PCDH9: variants seen among roughly 807,000 people sequenced by gnomAD.
The protein encoded by PCDH9 is protocadherin-9.
Under a neutral mutation model 70.6 loss-of-function variants are expected in PCDH9, and 24 were observed. The observed-to-expected ratio is 0.34, with a 90% CI of 0.25 to 0.48. The LOEUF is 0.48. Among genes scored for constraint, PCDH9 ranks in the 20% least tolerant of loss-of-function variants. The probability of loss-of-function intolerance (pLI) is 0.99; values close to 1 mark genes in which losing one functional copy is unlikely to be tolerated. For synonymous variants in PCDH9, 562 were observed against 558.5 expected (o/e 1.01, Z -0.09); for missense variants, 1,281 against 1,503.6 (o/e 0.85, Z 2.45).
At chr13:67,168,946 A>G (rs1230526148) in intron 2 of PCDH9, among the ~76,000 whole-genome samples, 1 of 152,216 alleles carries the variant, frequency 6.6e-6, no homozygotes, top group Non-Finnish European at 1.5e-5. Flanking sequence ...GACTCATATG[A>G]TTATGAACAA....
chr13:66,548,175 A>C (rs1360706447), intron 4 of PCDH9, among the ~76,000 whole-genome samples: 3 of 152,016 alleles, frequency 2.0e-5, no homozygotes, highest in Non-Finnish European at 2.9e-5. Flanking sequence ...GCAATATTAG[A>C]GCCTCATAAT....
intron 4 of PCDH9, among the ~76,000 whole-genome samples, chr13:66,374,245 T>C (rs1181928336): frequency 6.6e-6 from 1 of 152,066 alleles, no homozygotes; most frequent in Non-Finnish European, 1.5e-5. Flanking sequence ...ATTTTCTCCT[T>C]GCTGCATGCT....
intron 4 of PCDH9, among the ~76,000 whole-genome samples, chr13:66,416,872 C>T (rs140372582): frequency 2.6e-5 from 4 of 152,192 alleles, no homozygotes; most frequent in South Asian, 2.1e-4. Flanking sequence ...CCTGAGAAAA[C>T]GTCTTGAATG....
intron 2 of PCDH9, among the ~76,000 whole-genome samples, chr13:67,176,483 A>T (rs2088460555): frequency 6.6e-6 from 1 of 151,912 alleles, no homozygotes; most frequent in Non-Finnish European, 1.5e-5. Flanking sequence ...AAAAACACTT[A>T]TTAAAGCACC....
At chr13:66,384,533 GGA>G (rs1174213477) in intron 4 of PCDH9, among the ~76,000 whole-genome samples, 1 of 152,066 alleles carries the variant, frequency 6.6e-6, no homozygotes, top group Non-Finnish European at 1.5e-5. Flanking sequence ...GTATATGTGT[GGA>G]GTAAGAGCAC....
intron 2 of PCDH9, among the ~76,000 whole-genome samples, chr13:67,073,090 C>T (rs776663145): frequency 2.6e-5 from 4 of 151,970 alleles, no homozygotes; most frequent in Admixed American, 2.0e-4. Flanking sequence ...CTTTATACAC[C>T]CAATAATCAC....
At chr13:66,628,189 C>T (rs1486782702) in intron 4 of PCDH9, among the ~76,000 whole-genome samples, 6 of 152,072 alleles carry the variant, frequency 3.9e-5, no homozygotes, top group Non-Finnish European at 8.8e-5. Flanking sequence ...ATGAACTTAC[C>T]AACCATCAAC....
intron 2 of PCDH9, among the ~76,000 whole-genome samples, chr13:67,198,535 T>C (rs2089132296): frequency 6.6e-6 from 1 of 151,938 alleles, no homozygotes; most frequent in Non-Finnish European, 1.5e-5. Context: ...TCTATTAGGA[T>C]GGTTGCTAAG....
Position 66,578,380 on chromosome 13 carries a change from T to A in PCDH9, c.3340+52830A>T, listed in dbSNP as rs557173745. 1.9e-4 allele frequency among the ~76,000 whole-genome samples: 28 copies of A among 149,776 alleles called. 1 individual carries two copies. The South Asian group carries it at 5.9e-3, about 32-fold the overall frequency. On this transcript the variant is annotated intron_variant, in intron 4 of 4. Coordinates refer to ENST00000377865, the MANE Select transcript of PCDH9 (RefSeq NM_203487.3). ...CAAACAAATTGTTTCATGAGCTACATTTTTTTTTTCGTCTTTAGAGTGACG... is the reference window on the plus strand; with the variant it reads ...CAAACAAATTGTTTCATGAGCTACAATTTTTTTTTCGTCTTTAGAGTGACG...
At chr13:66,664,117 C>T (rs548011742) in intron 3 of PCDH9, among the ~76,000 whole-genome samples, 3 of 152,236 alleles carry the variant, frequency 2.0e-5, no homozygotes, top group Admixed American at 6.5e-5. Flanking sequence ...TACTAATTGG[C>T]CTACAGTAAT....
intron 3 of PCDH9, among the ~76,000 whole-genome samples, chr13:66,746,920 C>T (rs2079374855): frequency 6.6e-6 from 1 of 152,140 alleles, no homozygotes; most frequent in Non-Finnish European, 1.5e-5. Flanking sequence ...GTGAATACCC[C>T]TATCCCCCAA....
intron 2 of PCDH9, among the ~76,000 whole-genome samples, chr13:67,161,124 A>G (rs2087947464): frequency 6.6e-6 from 1 of 152,220 alleles, no homozygotes. Context: ...AGGTGTCTGG[A>G]GGAAACCATT....
intron 2 of PCDH9, among the ~76,000 whole-genome samples, chr13:67,043,000 C>T (rs1450438212): frequency 6.6e-6 from 1 of 151,910 alleles, no homozygotes; most frequent in Admixed American, 6.6e-5. Flanking sequence ...GTAAAGTTCA[C>T]AAGTTGTGAG....
intron 4 of PCDH9, among the ~76,000 whole-genome samples, chr13:66,573,402 T>G (rs2076763793): frequency 1.3e-5 from 2 of 152,120 alleles, no homozygotes; most frequent in Non-Finnish European, 2.9e-5. Context: ...GTTGATTGTT[T>G]CTTTTGTTAC....
intron 4 of PCDH9, among the ~76,000 whole-genome samples, chr13:66,559,723 C>G (rs915578484): frequency 6.8e-6 from 1 of 146,550 alleles, no homozygotes; most frequent in Non-Finnish European, 1.5e-5. Context: ...TGGCATGAAC[C>G]CAGGAGGCGG....
intron 4 of PCDH9, among the ~76,000 whole-genome samples, chr13:66,355,719 ATTGT>A (rs1956371874): frequency 6.6e-6 from 1 of 152,146 alleles, no homozygotes; most frequent in African/African-American, 2.4e-5. Context: ...TTATGTATTG[ATTGT>A]TTGATGAAAA....
chr13:66,543,886 A>T (rs1961072168), intron 4 of PCDH9, among the ~76,000 whole-genome samples: 1 of 152,158 alleles, frequency 6.6e-6, no homozygotes, highest in Non-Finnish European at 1.5e-5. Flanking sequence ...GCATTCTGGA[A>T]ATGAACTTAA....
chr13:67,209,778 T>TA (rs1566497417), intron 2 of PCDH9: 2 of 152,088 alleles, frequency 1.3e-5, no homozygotes, highest in African/African-American at 4.8e-5. Flanking sequence ...CGGTTTTTTT[T>TA]AACATTAATG....
intron 2 of PCDH9, among the ~76,000 whole-genome samples, chr13:67,107,703 C>T (rs2086575901): frequency 6.6e-6 from 1 of 152,210 alleles, no homozygotes; most frequent in Non-Finnish European, 1.5e-5. Flanking sequence ...GGACATGAGA[C>T]AGAACTCAAG....
Sources: gnomAD v4.1 joint callset for allele counts (sites outside exome capture counted in the v4.1 genomes callset) on GRCh38, gnomAD v4.1.1 for gene constraint, MANE v1.5 for transcripts, NCBI Gene and HGNC (gene_info 2026-07-23, HGNC 2026-07-21) for gene names.